Variants in RBFOX1 observed in about 807,000 individuals in gnomAD.
The protein encoded by RBFOX1 is RNA binding fox-1 homolog 1.
In RBFOX1, 8 loss-of-function variants were observed where a neutral mutation model predicts 57.7. The ratio of observed to expected loss-of-function variants is 0.14; its 90% CI spans 0.08 to 0.25. The LOEUF is 0.25. RBFOX1 is among the 10% of genes least tolerant of loss of function. The pLI, the probability that RBFOX1 is intolerant of heterozygous loss-of-function variation, is 1.00. For synonymous variants in RBFOX1, 326 were observed against 222.4 expected (o/e 1.47, Z -4.15); for missense variants, 611 against 548.5 (o/e 1.11, Z -1.14).
intron 4 of RBFOX1, among the ~76,000 whole-genome samples, chr16:7,293,229 A>G (rs1311361064): frequency 2.0e-5 from 3 of 152,192 alleles, no homozygotes; most frequent in African/African-American, 7.2e-5. Flanking sequence ...ATTATTCCCT[A>G]AACAATGCAT....
chr16:6,661,263 T>A (rs1210012549), intron 3 of RBFOX1, among the ~76,000 whole-genome samples: 1 of 152,174 alleles, frequency 6.6e-6, no homozygotes, highest in Non-Finnish European at 1.5e-5. Context: ...CTCAGTGGGT[T>A]AGAAAGAGCT....
intron 4 of RBFOX1, among the ~76,000 whole-genome samples, chr16:7,342,150 A>C (rs954923040): frequency 6.6e-6 from 1 of 152,152 alleles, no homozygotes; most frequent in African/African-American, 2.4e-5. Flanking sequence ...GAGTCTGGCC[A>C]TTACTCTCTC....
chr16:5,603,974 T>G (rs561146749), downstream of RBFOX1, among the ~76,000 whole-genome samples: 1 of 148,008 alleles, frequency 6.8e-6, no homozygotes, highest in South Asian at 2.1e-4. Context: ...AATGGTGTCA[T>G]TCTCCCCTCC....
intron 4 of RBFOX1, among the ~76,000 whole-genome samples, chr16:5,986,069 T>TG (rs1236591533): frequency 2.0e-5 from 3 of 151,922 alleles, no homozygotes; most frequent in Non-Finnish European, 4.4e-5. Context: ...CTTTTTTTTT[T>TG]TTTTGTTTTC....
intron 4 of RBFOX1, among the ~76,000 whole-genome samples, chr16:7,299,431 A>G (rs9929817): frequency 1 from 152,224 of 152,306 alleles, 76,071 homozygotes; most frequent in Middle Eastern, 1. Flanking sequence ...CCACACCCAA[A>G]CTAGAAAGCT....
intron 1 of RBFOX1, among the ~76,000 whole-genome samples, chr16:5,382,222 T>C (rs752875186): frequency 6.6e-6 from 1 of 152,230 alleles, no homozygotes; most frequent in Non-Finnish European, 1.5e-5. Context: ...CAACATTGTC[T>C]CTAATGCTGT....
chr16:6,742,017 T>A (rs564435051), intron 3 of RBFOX1, among the ~76,000 whole-genome samples: 2 of 152,308 alleles, frequency 1.3e-5, no homozygotes, highest in South Asian at 4.1e-4. Flanking sequence ...TATAAGTGTG[T>A]GTGGTTCTGC....
chr16:5,914,905 C>T (rs1327028632), intron 4 of RBFOX1, among the ~76,000 whole-genome samples: 1 of 151,704 alleles, frequency 6.6e-6, no homozygotes, highest in African/African-American at 2.4e-5. Flanking sequence ...AAAAACAAAA[C>T]AAAACAAAAA....
At chr16:7,046,665 G>A (rs576490937) in intron 3 of RBFOX1, among the ~76,000 whole-genome samples, 1 of 136,388 alleles carries the variant, frequency 7.3e-6, no homozygotes, top group East Asian at 2.2e-4. Context: ...GTGTGCAATG[G>A]CATGATCTCG....
chr16:7,197,218 A>G (rs904280128), intron 4 of RBFOX1, among the ~76,000 whole-genome samples: 3 of 152,112 alleles, frequency 2.0e-5, no homozygotes, highest in Admixed American at 2.0e-4. Flanking sequence ...CCTCCTTCAT[A>G]GCCGTTGTCT....
intron 2 of RBFOX1, among the ~76,000 whole-genome samples, chr16:6,348,347 A>G (rs758005434): frequency 8.5e-5 from 13 of 152,190 alleles, no homozygotes; most frequent in Non-Finnish European, 1.5e-4. Flanking sequence ...TTCTTGGAGA[A>G]TTGAATGAGA....
chr16:6,536,064 G>A (rs2096730922), intron 2 of RBFOX1, among the ~76,000 whole-genome samples: 1 of 152,102 alleles, frequency 6.6e-6, no homozygotes, highest in Non-Finnish European at 1.5e-5. Context: ...TGGACATCTT[G>A]TTCATAGCAG....
At chr16:6,144,093 G>C (rs963449542) in intron 1 of RBFOX1, among the ~76,000 whole-genome samples, 1 of 151,968 alleles carries the variant, frequency 6.6e-6, no homozygotes, top group Admixed American at 6.6e-5. Context: ...GCCACTGTGT[G>C]TGGTCACACC....
chr16:5,343,298 GTTT>G (rs33934959), intron 1 of RBFOX1, among the ~76,000 whole-genome samples: 3 of 109,960 alleles, frequency 2.7e-5, no homozygotes, highest in African/African-American at 1.0e-4. Flanking sequence ...CTTCTTTGAA[GTTT>G]TTTTTTTTTT....
rs559925779 is a variant in RBFOX1, at chr16:6,638,556, G to A, written c.-63-16047G>A. On this transcript the variant is annotated intron_variant, in intron 2 of 15. Transcript: ENST00000550418. ...CAAACTTAGAAATATTGCAGTGGAA[G>A]CAAAACCAAGAAAATGGCTATCGGT... Among the ~76,000 whole-genome samples the A allele has an allele frequency of 2.0e-3, 310 of 152,268 alleles. 3 individuals are homozygous for A. The highest frequency in any genetic ancestry group is 6.8e-3 in the Middle Eastern group (2 of 294).
chr16:7,450,144 C>T (rs895475872), intron 4 of RBFOX1, among the ~76,000 whole-genome samples: 1 of 152,016 alleles, frequency 6.6e-6, no homozygotes, highest in Non-Finnish European at 1.5e-5. Flanking sequence ...GCCTGTAATT[C>T]CAGCACTTCG....
chr16:6,960,060 T>C (rs1163512142), intron 3 of RBFOX1, among the ~76,000 whole-genome samples: 1 of 152,076 alleles, frequency 6.6e-6, no homozygotes, highest in Non-Finnish European at 1.5e-5. Flanking sequence ...GACAAGATAA[T>C]AAAGGAATTC....
intron 1 of RBFOX1, among the ~76,000 whole-genome samples, chr16:5,258,320 T>C (rs1022163329): frequency 2.0e-5 from 3 of 152,224 alleles, no homozygotes; most frequent in African/African-American, 7.2e-5. Context: ...TTTGTTTTTC[T>C]GAAGTATTTA....
chr16:5,295,961 C>G (rs373268893), intron 1 of RBFOX1, among the ~76,000 whole-genome samples: 5 of 152,162 alleles, frequency 3.3e-5, no homozygotes, highest in Non-Finnish European at 7.3e-5. Flanking sequence ...AGAGTAAGGA[C>G]TTCATAAATA....
Sources: gnomAD v4.1 joint callset for allele counts (sites outside exome capture counted in the v4.1 genomes callset) on GRCh38, gnomAD v4.1.1 for gene constraint, MANE v1.5 for transcripts, NCBI Gene and HGNC (gene_info 2026-07-23, HGNC 2026-07-21) for gene names.